LRTM1: variants seen among roughly 807,000 people sequenced by gnomAD.
The protein encoded by LRTM1 is leucine-rich repeat and transmembrane domain-containing protein 1.
In LRTM1, 38 loss-of-function variants were observed where a neutral mutation model predicts 32.4. The observed-to-expected ratio is 1.17, with a 90% confidence interval of 0.91 to 1.54. The LOEUF is 1.54. Among genes scored for constraint, LRTM1 ranks in the 40% most tolerant of loss-of-function variants. The pLI is 0.00. For missense variants in LRTM1, 466 were observed against 415.4 expected (o/e 1.12, Z -1.06); for synonymous variants, 186 against 169.9 (o/e 1.09, Z -0.74).
chr3:54,957,063 G>A (rs778870895), intron 1 of LRTM1, among the ~76,000 whole-genome samples: 16 of 152,092 alleles, frequency 1.1e-4, no homozygotes, highest in Non-Finnish European at 2.2e-4. Context: ...CAGACACCTG[G>A]CACATACTAG....
At chr3:54,952,295 C>T (rs1015593026) in intron 1 of LRTM1, among the ~76,000 whole-genome samples, 1 of 152,186 alleles carries the variant, frequency 6.6e-6, no homozygotes, top group African/African-American at 2.4e-5. Context: ...CTAAGCCCCC[C>T]AGGGCTCTGA....
chr3:54,950,465 TG>T (rs1243946193), intron 1 of LRTM1, among the ~76,000 whole-genome samples: 3 of 152,210 alleles, frequency 2.0e-5, no homozygotes, highest in African/African-American at 2.4e-5. Context: ...CTCTTCATCT[TG>T]CAAGGCAGCG....
chr3:54,932,399 A>C (rs530290625), upstream of LRTM1, among the ~76,000 whole-genome samples: 5 of 152,172 alleles, frequency 3.3e-5, no homozygotes, highest in South Asian at 1.0e-3. Context: ...GTCAGTCACC[A>C]AACTGATAAT....
Position 54,918,357 on chromosome 3 carries a change from TCTTTTGGC to T in LRTM1, c.*94_*101del. On this transcript the variant is annotated 3_prime_UTR_variant, in exon 3 of 3. Coordinates refer to ENST00000273286, the MANE Select transcript of LRTM1 (RefSeq NM_020678.4). The stretch of plus-strand genomic sequence containing the variant: ...CTTTTTTTTTTTTTTTTTTTTTTTG[TCTTTTGGC>T]AAAAGCAAAATCAGACTAACAGGAA... 4 of 412,602 alleles carry T rather than the reference TCTTTTGGC, an allele frequency of 9.7e-6. No individual in the cohort carries two copies. The South Asian group carries it at 2.8e-4, about 29-fold the overall frequency. 25.6% of individuals were successfully genotyped at this position (412,602 alleles called of 1,614,324 possible). A position where few individuals can be genotyped will look rare whatever the true frequency, so the allele number is the denominator to read the frequency against.
intron 1 of LRTM1, among the ~76,000 whole-genome samples, chr3:54,963,919 T>C (rs547523688): frequency 1.2e-4 from 18 of 152,196 alleles, no homozygotes; most frequent in South Asian, 2.1e-4. Context: ...GGAAGGAAGA[T>C]ACTTTGTTGA....
chr3:54,941,937 A>G (rs1050457761), intron 1 of LRTM1, among the ~76,000 whole-genome samples: 1 of 152,192 alleles, frequency 6.6e-6, no homozygotes, highest in African/African-American at 2.4e-5. Flanking sequence ...AACCTCGTGA[A>G]ATGGCAATGA....
chr3:54,952,294 C>G (rs973065039), intron 1 of LRTM1, among the ~76,000 whole-genome samples: 1 of 152,190 alleles, frequency 6.6e-6, no homozygotes, highest in South Asian at 2.1e-4. Flanking sequence ...ACTAAGCCCC[C>G]CAGGGCTCTG....
At chr3:54,951,519 T>G (rs1701756308) in intron 1 of LRTM1, among the ~76,000 whole-genome samples, 1 of 152,176 alleles carries the variant, frequency 6.6e-6, no homozygotes, top group African/African-American at 2.4e-5. Context: ...TCAGTTACTG[T>G]GAACTTTGAA....
intron 1 of LRTM1, among the ~76,000 whole-genome samples, chr3:54,926,066 T>A (rs962308261): frequency 2.6e-5 from 4 of 152,240 alleles, no homozygotes; most frequent in Non-Finnish European, 1.5e-5. Flanking sequence ...GCATTACTTA[T>A]GCAGTTGAAC....
intron 1 of LRTM1, among the ~76,000 whole-genome samples, chr3:54,947,076 A>G (rs1252413344): frequency 6.6e-6 from 1 of 152,194 alleles, no homozygotes; most frequent in Non-Finnish European, 1.5e-5. Flanking sequence ...CCATTCTAGG[A>G]AAATACTATA....
In LRTM1 at chr3:54,925,184, G is replaced by T; in HGVS notation, c.39C>A (p.Val13=). Residue 13 remains valine (V), a synonymous_variant, in exon 2 of 3, where the codon GTC becomes GTA. Coordinates refer to ENST00000273286, the MANE Select transcript of LRTM1 (RefSeq NM_020678.4). Reference sequence around the variant, plus strand: ...GGCAGCTGCATACCACCTGGAGCAGGACAATCACACTGGAAAACAGGAGCA... The same window carrying T: ...GGCAGCTGCATACCACCTGGAGCAGTACAATCACACTGGAAAACAGGAGCA... ...GELLLFSSVI[V]LLQVVCSCPD... The T allele has an allele frequency of 6.2e-7, 1 of 1,613,362 alleles. No individual in the cohort carries two copies. The highest frequency in any genetic ancestry group is 8.5e-7 in the Non-Finnish European group (1 of 1,179,466).
At chr3:54,922,714 A>G (rs1000502742) in intron 2 of LRTM1, among the ~76,000 whole-genome samples, 2 of 152,042 alleles carry the variant, frequency 1.3e-5, no homozygotes, top group African/African-American at 4.8e-5. Flanking sequence ...GCTTAAATAT[A>G]CAACCTCCAA....
intron 1 of LRTM1, among the ~76,000 whole-genome samples, chr3:54,941,069 C>G (rs1209448887): frequency 2.0e-5 from 3 of 152,176 alleles, no homozygotes; most frequent in African/African-American, 7.2e-5. Context: ...AAATCAAACA[C>G]TGGACTAGGG....
intron 1 of LRTM1, among the ~76,000 whole-genome samples, chr3:54,941,190 C>G (rs1701457879): frequency 6.6e-6 from 1 of 152,156 alleles, no homozygotes; most frequent in Non-Finnish European, 1.5e-5. Flanking sequence ...CCTCATCAAA[C>G]TTGTTCAAGT....
chr3:54,953,407 A>G (rs184807477), intron 1 of LRTM1, among the ~76,000 whole-genome samples: 12 of 152,284 alleles, frequency 7.9e-5, no homozygotes, highest in African/African-American at 2.4e-4. Flanking sequence ...CTTCTTACCT[A>G]TAGAGGTGAG....
At chr3:54,920,167 A>G (rs1700799054) in intron 2 of LRTM1, among the ~76,000 whole-genome samples, 1 of 152,238 alleles carries the variant, frequency 6.6e-6, no homozygotes, top group African/African-American at 2.4e-5. Flanking sequence ...AGACATATGT[A>G]GAGGGCATCA....
At chr3:54,933,056 CCTTCCTTCCTTCCTTCCTTCCTTCCTT>C (rs1701236772), upstream of LRTM1, among the ~76,000 whole-genome samples, 1 of 6,894 alleles carries the variant, frequency 1.5e-4, no homozygotes, top group African/African-American at 2.6e-4. Flanking sequence ...TCCCTCCCTT[CCTTCCTTCCTTCCTTCCTTCCTTCCTT>C]CCTTCCTTCC....
At chr3:54,927,488 T>C (rs1331196350) in intron 1 of LRTM1, among the ~76,000 whole-genome samples, 1 of 152,210 alleles carries the variant, frequency 6.6e-6, no homozygotes, top group African/African-American at 2.4e-5. Context: ...ATTAATTAGT[T>C]GCAGGAAATT....
At chr3:54,927,267 A>G (rs1416102382) in intron 1 of LRTM1, among the ~76,000 whole-genome samples, 1 of 152,178 alleles carries the variant, frequency 6.6e-6, no homozygotes, top group African/African-American at 2.4e-5. Flanking sequence ...ATGTTTAGAG[A>G]GCCTTCTGAA....
Sources: allele counts gnomAD v4.1 joint callset (sites outside exome capture counted in the v4.1 genomes callset), GRCh38; gene constraint gnomAD v4.1.1; transcripts MANE v1.5; gene names NCBI Gene and HGNC (gene_info 2026-07-23, HGNC 2026-07-21).